Variants in SLC13A2 observed in about 807,000 individuals in gnomAD.
SLC13A2 encodes the protein solute carrier family 13 member 2, also known as Na(+)-coupled citrate transporter.
A neutral mutation model predicts 58.5 loss-of-function variants in SLC13A2; 40 were observed. The observed-to-expected ratio is 0.68, with a 90% confidence interval of 0.53 to 0.89. The LOEUF (loss-of-function observed/expected upper bound fraction) is 0.89. SLC13A2 is among the 40% of genes least tolerant of loss of function. The pLI, the probability that SLC13A2 is intolerant of heterozygous loss-of-function variation, is 0.00. For synonymous variants in SLC13A2, 341 were observed against 331.6 expected, an observed-to-expected ratio of 1.03 and a Z score of -0.31; for missense variants, 694 against 772.6, an observed-to-expected ratio of 0.90 and a Z score of 1.21.
At chr17:28,479,571 TA>T (rs2068747854) in intron 1 of SLC13A2, among the ~76,000 whole-genome samples, 1 of 152,202 alleles carries the variant, frequency 6.6e-6, no homozygotes, top group African/African-American at 2.4e-5. Flanking sequence ...AAGGCATCTG[TA>T]AAAACAGTCT....
chr17:28,495,870 C>T, intron 10 of SLC13A2, 54 bp downstream of exon 10: 1 of 1,580,014 alleles, frequency 6.3e-7, no homozygotes, highest in African/African-American at 1.3e-5. Context: ...CCTGCCCCAC[C>T]AGGGGTTCTG....
In SLC13A2 at chr17:28,494,311, C is replaced by T; in HGVS notation, c.1187-80C>T. ...GCACGCGTTAAGCTCCAAAAGGGACCCACACAGGGAGCCCGCAAATGGAGA... is the reference window on the plus strand; with the variant it reads ...GCACGCGTTAAGCTCCAAAAGGGACTCACACAGGGAGCCCGCAAATGGAGA... On this transcript the variant is annotated intron_variant, in intron 8 of 11. Coordinates refer to ENST00000314669, the MANE Select transcript of SLC13A2 (RefSeq NM_003984.4). This position sits in a 1 kb window ranked among gnomAD's most constrained non-coding sequence, Gnocchi z 4.0. 1 of 1,612,550 alleles carries T rather than the reference C, an allele frequency of 6.2e-7. No individual in the cohort carries two copies. Among genetic ancestry groups the T allele is most frequent in the South Asian group, 1.1e-5 (1 of 90,672 alleles).
At chr17:28,483,876 A>C (rs2068831014) in intron 1 of SLC13A2, among the ~76,000 whole-genome samples, 1 of 152,214 alleles carries the variant, frequency 6.6e-6, no homozygotes, top group Admixed American at 6.5e-5. Flanking sequence ...AGCACTCAGC[A>C]TGTGCCCTGG....
Position 28,497,351 on chromosome 17 carries a change from A to C in SLC13A2, c.*82A>C, listed in dbSNP as rs2069167378. ...GCCCGGAGGGGACACCCCAAGCTCC[A>C]AGCTCCAAGCTCCAGGCCAAAGGCT... On this transcript the variant is annotated 3_prime_UTR_variant, in exon 12 of 12. Transcript: ENST00000314669. The C allele has an allele frequency of 6.8e-7, 1 of 1,474,202 alleles. No homozygotes were observed. Among genetic ancestry groups the C allele is most frequent in the Non-Finnish European group, 9.1e-7 (1 of 1,096,106 alleles). The allele number at this position is 1,474,202 out of a possible 1,614,324, so 91.3% of individuals were successfully genotyped here.
At chr17:28,490,398 G>A (rs1555602974) in intron 2 of SLC13A2, 56 bp from the exon 3 acceptor site, 5 of 1,614,046 alleles carry the variant, frequency 3.1e-6, no homozygotes, top group Non-Finnish European at 4.2e-6. Flanking sequence ...AACCTCGGGG[G>A]CACCGTGGGA....
In SLC13A2 at chr17:28,491,424, C is replaced by T. The variant is rs781831824; in HGVS notation, c.575-13C>T. ...CTGTACCTGCCCCCACCTGGGCTCT[C>T]CCTTGTTCCCAGATAATGGGCAGGC... On this transcript the variant is annotated splice_polypyrimidine_tract_variant and intron_variant, in intron 4 of 11. Coordinates refer to ENST00000314669, the MANE Select transcript of SLC13A2 (RefSeq NM_003984.4). 3.7e-6 allele frequency: 6 copies of T among 1,613,020 alleles called. No homozygotes were observed. Among genetic ancestry groups the T allele is most frequent in the Middle Eastern group, 1.7e-4 (1 of 6,046 alleles).
chr17:28,492,641 A>G (rs2069050497), intron 6 of SLC13A2, among the ~76,000 whole-genome samples: 1 of 152,234 alleles, frequency 6.6e-6, no homozygotes, highest in Admixed American at 6.5e-5. Flanking sequence ...CCACCTAATG[A>G]AGCCAAGAGT....
intron 6 of SLC13A2, among the ~76,000 whole-genome samples, chr17:28,493,191 A>G (rs1555603854): frequency 6.6e-6 from 1 of 152,158 alleles, no homozygotes; most frequent in Non-Finnish European, 1.5e-5. Context: ...GGCAGGGGAT[A>G]AGCAGAGAAG....
chr17:28,475,658 GA>G (rs1357869443), intron 1 of SLC13A2, among the ~76,000 whole-genome samples: 15 of 152,122 alleles, frequency 9.9e-5, no homozygotes, highest in African/African-American at 3.6e-4. Flanking sequence ...ACTTCCTTGT[GA>G]CCAAACCCTG....
intron 1 of SLC13A2, chr17:28,487,652 C>A: frequency 1.2e-6 from 1 of 851,860 alleles, no homozygotes; most frequent in Non-Finnish European, 1.4e-6. Context: ...ACCCTTAGTC[C>A]AAGGGGAGGG....
chr17:28,490,247 C>T, intron 2 of SLC13A2: 2 of 1,464,222 alleles, frequency 1.4e-6, no homozygotes, highest in Non-Finnish European at 1.8e-6. Flanking sequence ...GCATTCCAGC[C>T]TGGGCAACAG....
At chr17:28,477,482 CCA>C (rs879999500) in intron 1 of SLC13A2, among the ~76,000 whole-genome samples, 21,324 of 151,838 alleles carry the variant, frequency 0.14, 1,843 homozygotes, top group Middle Eastern at 0.21. Context: ...GCGTGAGCCA[CCA>C]TGCCCGGCCA....
intron 6 of SLC13A2, 89 bp downstream of exon 6, chr17:28,491,941 A>T: frequency 6.6e-7 from 1 of 1,517,926 alleles, no homozygotes; most frequent in Admixed American, 2.1e-5. Flanking sequence ...AAATGATATT[A>T]TCACCATCCC....
intron 2 of SLC13A2, among the ~76,000 whole-genome samples, chr17:28,489,992 G>T (rs1273932124): frequency 6.6e-6 from 1 of 152,252 alleles, no homozygotes; most frequent in African/African-American, 2.4e-5. Flanking sequence ...AGATAATCCA[G>T]GCCGGGTGTG....
At chr17:28,477,388 G>A (rs1299720425) in intron 1 of SLC13A2, among the ~76,000 whole-genome samples, 12 of 151,704 alleles carry the variant, frequency 7.9e-5, no homozygotes, top group Admixed American at 5.2e-4. Flanking sequence ...TAGAGACGGG[G>A]TTTCACCGTG....
chr17:28,480,805 G>A (rs1555600977), intron 1 of SLC13A2, among the ~76,000 whole-genome samples: 1 of 152,132 alleles, frequency 6.6e-6, no homozygotes, highest in African/African-American at 2.4e-5. Flanking sequence ...CTGTTCAAAT[G>A]GGCTCTTGTG....
chr17:28,491,399 C>A (rs1597887105), intron 4 of SLC13A2, 38 bp from the exon 5 acceptor site: 1 of 1,608,978 alleles, frequency 6.2e-7, no homozygotes, highest in South Asian at 1.1e-5. Flanking sequence ...AGAGCTGGCC[C>A]TGTACCTGCC....
rs782620100 is a variant in SLC13A2 at position 28,490,688 on chromosome 17, T to C, written c.369-13T>C. On this transcript the variant is annotated splice_polypyrimidine_tract_variant and intron_variant, in intron 3 of 11. Coordinates refer to ENST00000314669, the MANE Select transcript of SLC13A2 (RefSeq NM_003984.4). Reference sequence around the variant, plus strand: ...AAGCTGGAACAGCAGTGTGTCTGTCTGCCCATCCCTAGGCTAATCCTGGGC... The same window carrying C: ...AAGCTGGAACAGCAGTGTGTCTGTCCGCCCATCCCTAGGCTAATCCTGGGC... 1 of 1,605,374 alleles carries C rather than the reference T, an allele frequency of 6.2e-7. No individual in the cohort carries two copies. The highest frequency in any genetic ancestry group is 8.5e-7 in the Non-Finnish European group (1 of 1,173,194).
chr17:28,493,917 T>C (rs892415289), intron 7 of SLC13A2, 100 bp from the exon 8 acceptor site: 27 of 1,471,600 alleles, frequency 1.8e-5, no homozygotes, highest in Non-Finnish European at 2.5e-5. Context: ...TTCCCCAGGC[T>C]TGTCTATGGG....
Sources: allele counts gnomAD v4.1 joint callset (sites outside exome capture counted in the v4.1 genomes callset), GRCh38; gene constraint gnomAD v4.1.1; non-coding constraint Gnocchi (gnomAD v3.1); transcripts MANE v1.5; gene names NCBI Gene and HGNC (gene_info 2026-07-23, HGNC 2026-07-21).